SAGE1: variants seen among roughly 807,000 people sequenced by gnomAD.
SAGE1 encodes the protein sarcoma antigen 1.
A neutral mutation model predicts 55.4 loss-of-function variants in SAGE1; 55 were observed. The observed-to-expected ratio is 0.99, with a 90% confidence interval of 0.80 to 1.24. The LOEUF (loss-of-function observed/expected upper bound fraction) is 1.24. Ranked by LOEUF, SAGE1 falls within the 50% of genes most tolerant of loss-of-function variation. The pLI, the probability that SAGE1 is intolerant of heterozygous loss-of-function variation, is 0.00. For missense variants in SAGE1, 710 were observed against 704.4 expected (o/e 1.01, Z -0.09); for synonymous variants, 240 against 244.3 (o/e 0.98, Z 0.17).
chrX:135,901,962 A>G (rs1178634148), intron 3 of SAGE1, among the ~76,000 whole-genome samples: 1 of 111,177 alleles, frequency 9.0e-6, no homozygotes, highest in Non-Finnish European at 1.9e-5. Flanking sequence ...TTCTTAGTGT[A>G]CTCCAATGAA....
chrX:135,895,618 G>T (rs1398680385), intron 1 of SAGE1, among the ~76,000 whole-genome samples: 2 of 111,885 alleles, frequency 1.8e-5, no homozygotes, highest in Non-Finnish European at 3.8e-5. Flanking sequence ...TTTTTAATCA[G>T]AGTGTTCTAG....
intron 5 of SAGE1, 50 bp downstream of exon 5, chrX:135,905,442 G>C: frequency 9.0e-7 from 1 of 1,110,175 alleles, no homozygotes; most frequent in Non-Finnish European, 1.2e-6. Context: ...CATAAGCATG[G>C]ATATTTTCAT....
chrX:135,909,150 C>A, intron 13 of SAGE1, 146 bp downstream of exon 13: 2 of 511,156 alleles, frequency 3.9e-6, no homozygotes, highest in Non-Finnish European at 3.2e-6. Flanking sequence ...TCCTCCCCAG[C>A]TTTCTTAGAT....
intron 16 of SAGE1, among the ~76,000 whole-genome samples, 197 bp from the exon 17 acceptor site, chrX:135,910,995 C>T (rs2088888677): frequency 8.9e-6 from 1 of 111,941 alleles, no homozygotes; most frequent in Non-Finnish European, 1.9e-5. Flanking sequence ...CATATGCATG[C>T]ATAGTGTCAT....
rs782527568 is a variant in SAGE1 at position 135,905,360 on chromosome X, C to T, written c.422C>T (p.Ala141Val). Residue 141 changes from alanine (A) to valine (V), a missense_variant, in exon 5 of 20, where the codon GCT (alanine) becomes GTT (valine). Coordinates refer to ENST00000370709, the MANE Select transcript of SAGE1 (RefSeq NM_001381902.1). Reference sequence around the variant, plus strand: ...CCACAGCTTGTTCATATGGCTGCAGCTGGTATTCCATCCATGAGTACCAGG... The same window carrying T: ...CCACAGCTTGTTCATATGGCTGCAGTTGGTATTCCATCCATGAGTACCAGG... ...APPQLVHMAA[A>V]GIPSMSTRDL... The T allele has an allele frequency of 2.5e-6, 3 of 1,209,088 alleles. No individual in the cohort carries two copies. Among genetic ancestry groups the T allele is most frequent in the Non-Finnish European group, 2.2e-6 (2 of 893,455 alleles).
intron 3 of SAGE1, among the ~76,000 whole-genome samples, chrX:135,902,113 G>A (rs1556597133): frequency 9.0e-6 from 1 of 111,545 alleles, no homozygotes; most frequent in Non-Finnish European, 1.9e-5. Context: ...TGTTACTAGA[G>A]ACTCATTTTC....
chrX:135,897,218 T>C (rs2088600148), intron 2 of SAGE1, among the ~76,000 whole-genome samples: 1 of 111,898 alleles, frequency 8.9e-6, no homozygotes, highest in African/African-American at 3.3e-5. Context: ...TTAATGTGAG[T>C]TTTGTGTTGT....
chrX:135,908,494 C>CATGT lies in SAGE1; in HGVS notation c.1319_1322dup (p.His442CysfsTer3). On this transcript the variant is annotated frameshift_variant, in exon 12 of 20. Transcript: ENST00000370709. LOFTEE classifies it high-confidence loss of function. ...GTTTCTAGATGCTACCGTCAATCACCATGTCCATGAAGCAAGGATGGAAAA... is the reference window on the plus strand; with the variant it reads ...GTTTCTAGATGCTACCGTCAATCACCATGTATGTCCATGAAGCAAGGATGGAAAA... 2.5e-6 allele frequency: 3 copies of CATGT among 1,205,305 alleles called. No individual in the cohort carries two copies. The highest frequency in any genetic ancestry group is 3.4e-6 in the Non-Finnish European group (3 of 893,032).
Position 135,907,840 on chromosome X carries a change from G to A in SAGE1, c.1158G>A (p.Gln386=), listed in dbSNP as rs2148090458. 8.3e-7 allele frequency: 1 copy of A among 1,209,008 alleles called. No individual in the cohort carries two copies. Among genetic ancestry groups the A allele is most frequent in the Non-Finnish European group, 1.1e-6 (1 of 893,598 alleles). Residue 386 remains glutamine, a splice_region_variant and synonymous_variant, in exon 10 of 20, where the codon CAG becomes CAA. Coordinates refer to ENST00000370709, the MANE Select transcript of SAGE1 (RefSeq NM_001381902.1). The stretch of plus-strand genomic sequence containing the variant: ...TGCCAGCCATGAGTACCAGGGATCA[G>A]CGTAAGTTTGTTTACTAGTTGTGGT... The part of the protein sequence containing the change: ...ADMPAMSTRD[Q]HATIIHNLRE...
intron 3 of SAGE1, among the ~76,000 whole-genome samples, chrX:135,903,442 C>T (rs1383290673): frequency 8.9e-6 from 1 of 112,917 alleles, no homozygotes; most frequent in Non-Finnish European, 1.9e-5. Context: ...GGGCAGGGAA[C>T]GTTGCTCCCT....
At chrX:135,895,470 A>G (rs1468440834) in intron 1 of SAGE1, among the ~76,000 whole-genome samples, 1 of 112,326 alleles carries the variant, frequency 8.9e-6, no homozygotes, top group African/African-American at 3.2e-5. Flanking sequence ...AGGGAAAAAT[A>G]TCTGTAGATT....
chrX:135,897,660 T>C (rs1556594419), intron 2 of SAGE1, among the ~76,000 whole-genome samples: 3 of 112,172 alleles, frequency 2.7e-5, no homozygotes, highest in Non-Finnish European at 5.6e-5. Flanking sequence ...AAGAGCATAT[T>C]CTTTATTTCT....
At chrX:135,901,012 G>A (rs1362827773) in intron 2 of SAGE1, among the ~76,000 whole-genome samples, 4 of 108,261 alleles carry the variant, frequency 3.7e-5, no homozygotes, top group Non-Finnish European at 7.7e-5. Context: ...GCGTGGTGGC[G>A]GGTGCCTGTA....
chrX:135,912,741 A>G, intron 19 of SAGE1, 57 bp from the exon 20 acceptor site: 1 of 1,184,026 alleles, frequency 8.4e-7, no homozygotes, highest in Non-Finnish European at 1.1e-6. Flanking sequence ...TCTACCTCTT[A>G]CATCTCATAG....
rs782306565 is a variant in SAGE1 at position 135,908,348 on chromosome X, A to G, written c.1300+119A>G. 144 of 1,016,940 alleles carry G rather than the reference A, an allele frequency of 1.4e-4. 1 individual carries two copies. In the South Asian group the frequency reaches 3.0e-3, roughly 21 times the overall value. 83.8% of individuals were successfully genotyped at this position (1,016,940 alleles called of 1,213,427 possible). On this transcript the variant is annotated intron_variant, in intron 11 of 19. Coordinates refer to ENST00000370709, the MANE Select transcript of SAGE1 (RefSeq NM_001381902.1). ...GTGAGTTGAATTTGTGGGGTCTCAGATCGCTGCCTGGTATATCCTCCTGCT... is the reference window on the plus strand; with the variant it reads ...GTGAGTTGAATTTGTGGGGTCTCAGGTCGCTGCCTGGTATATCCTCCTGCT...
chrX:135,896,465 T>C, intron 2 of SAGE1, 136 bp downstream of exon 2: 1 of 430,177 alleles, frequency 2.3e-6, no homozygotes, highest in African/African-American at 2.4e-5. Context: ...GGAAATCTTA[T>C]GTGAACATAA....
In SAGE1 at chrX:135,911,287, A is replaced by C. The variant is rs1603148094; in HGVS notation, c.2101A>C (p.Asn701His). The C allele has an allele frequency of 8.3e-7, 1 of 1,209,040 alleles. No individual in the cohort carries two copies. Among genetic ancestry groups the C allele is most frequent in the South Asian group, 1.8e-5 (1 of 56,848 alleles). Residue 701 changes from asparagine to histidine, a missense_variant, in exon 17 of 20, where the codon AAT becomes CAT. Transcript: ENST00000370709. ...GTCAACGGTTCCACCTGGTTGTATTAATCTGTCAGGAGCTGGTATTTCATG... is the reference window on the plus strand; with the variant it reads ...GTCAACGGTTCCACCTGGTTGTATTCATCTGTCAGGAGCTGGTATTTCATG... Reference protein sequence around the residue: ...SLSTVPPGCINLSGAGISCRS... With the variant: ...SLSTVPPGCIHLSGAGISCRS...
At chrX:135,908,296 G>A in intron 11 of SAGE1, 67 bp downstream of exon 11, 2 of 1,090,930 alleles carry the variant, frequency 1.8e-6, no homozygotes, top group Non-Finnish European at 2.5e-6. Flanking sequence ...ATAAATGGAA[G>A]AATGTGGTTT....
chrX:135,909,765 G>A lies in SAGE1; in HGVS notation c.1709G>A (p.Ser570Asn), dbSNP rs782324702. The A allele has an allele frequency of 6.7e-6, 8 of 1,199,169 alleles. No individual in the cohort carries two copies. Among genetic ancestry groups the A allele is most frequent in the Non-Finnish European group, 9.0e-6 (8 of 889,386 alleles). Residue 570 changes from serine to asparagine, a missense_variant, in exon 14 of 20, where the codon AGT becomes AAT. Physicochemically the swap from Ser to Asn is conservative, Grantham distance 46. Transcript: ENST00000370709. The stretch of plus-strand genomic sequence containing the variant: ...ACAGTAGCTGGTATTCCGGCCATGA[G>A]TACCAGGGATCAGTGTATGTTTGCT... ...YLTVAGIPAM[S>N]TRDQYATVTH...
Sources: gnomAD v4.1 joint callset for allele counts (sites outside exome capture counted in the v4.1 genomes callset) on GRCh38, gnomAD v4.1.1 for gene constraint, MANE v1.5 for transcripts, NCBI Gene and HGNC (gene_info 2026-07-23, HGNC 2026-07-21) for gene names.